Variants in LSAMP observed in about 807,000 individuals in gnomAD.
LSAMP encodes limbic system associated membrane protein.
A neutral mutation model predicts 38.6 loss-of-function variants in LSAMP; 7 were observed. That is an observed-to-expected ratio of 0.18 (90% confidence interval 0.10 to 0.34). The LOEUF (loss-of-function observed/expected upper bound fraction) is 0.34. LSAMP is among the 10% of genes least tolerant of loss of function. The probability of loss-of-function intolerance (pLI) is 1.00; values close to 1 mark genes in which losing one functional copy is unlikely to be tolerated. For synonymous variants in LSAMP, 154 were observed against 166.8 expected (o/e 0.92, Z 0.59); for missense variants, 313 against 420.0 (o/e 0.75, Z 2.23).
In LSAMP at chr3:116,098,368, G is replaced by A. The variant is rs143183754; in HGVS notation, c.156-11812C>T. On this transcript the variant is annotated intron_variant, in intron 1 of 6. Transcript: ENST00000490035. ...TTCAAAATTAGCCGGGCGTGGTGGC[G>A]CATGCCTGTAATCCCAGCTACTCAG... Among the ~76,000 whole-genome samples the A allele has an allele frequency of 4.0e-3, 614 of 152,134 alleles. 3 individuals carry two copies. The highest frequency in any genetic ancestry group is 0.014 in the African/African-American group (579 of 41,536).
chr3:116,407,650 GTAGC>G (rs2048914232), intron 1 of LSAMP, among the ~76,000 whole-genome samples: 1 of 152,082 alleles, frequency 6.6e-6, no homozygotes, highest in African/African-American at 2.4e-5. Flanking sequence ...TATTGTTCAT[GTAGC>G]AATCTTCATG....
intron 1 of LSAMP, among the ~76,000 whole-genome samples, chr3:116,353,531 T>G (rs1464010359): frequency 1.3e-5 from 2 of 152,040 alleles, no homozygotes; most frequent in Non-Finnish European, 2.9e-5. Flanking sequence ...CTCTACATCC[T>G]CCTACCCAGA....
At chr3:116,428,866 A>G (rs1226440312) in intron 1 of LSAMP, among the ~76,000 whole-genome samples, 2 of 152,198 alleles carry the variant, frequency 1.3e-5, no homozygotes, top group Non-Finnish European at 2.9e-5. Flanking sequence ...AATTTGTGAC[A>G]TTCTTGGGAA....
chr3:115,907,433 A>G (rs1246028083), intron 3 of LSAMP, among the ~76,000 whole-genome samples: 1 of 151,864 alleles, frequency 6.6e-6, no homozygotes, highest in African/African-American at 2.4e-5. Flanking sequence ...TCTATGAAGC[A>G]GAGAGTGGGC....
chr3:115,863,653 GC>G (rs1375965665), intron 3 of LSAMP, among the ~76,000 whole-genome samples: 3 of 151,684 alleles, frequency 2.0e-5, no homozygotes, highest in Admixed American at 6.6e-5. Context: ...GGATCAGGAG[GC>G]CCAGAAGTGT....
In LSAMP at chr3:116,024,967, G is replaced by A. The variant is rs1414580135; in HGVS notation, c.389-5327C>T. 4.6e-5 allele frequency among the ~76,000 whole-genome samples: 7 copies of A among 151,792 alleles called. No individual in the cohort carries two copies. The East Asian group carries it at 1.3e-3, about 29-fold the overall frequency. ...CTTCCTCTAGATCATATTCACTTCT[G>A]AAAAAGTGGTAGAGATGGTATTTTT... On this transcript the variant is annotated intron_variant, in intron 2 of 6. Transcript: ENST00000490035.
chr3:116,166,594 A>G (rs1013635184), intron 1 of LSAMP, among the ~76,000 whole-genome samples: 1 of 152,148 alleles, frequency 6.6e-6, no homozygotes, highest in African/African-American at 2.4e-5. Context: ...GCATGTATAT[A>G]TGTACATATA....
chr3:115,972,884 ATATTATG>A (rs1939063862), intron 3 of LSAMP, among the ~76,000 whole-genome samples: 1 of 148,950 alleles, frequency 6.7e-6, no homozygotes, highest in Non-Finnish European at 1.5e-5. Context: ...TATATATTAT[ATATTATG>A]TATTATTTTG....
At chr3:116,182,377 TTATATA>T (rs961746607) in intron 1 of LSAMP, among the ~76,000 whole-genome samples, 3 of 150,794 alleles carry the variant, frequency 2.0e-5, no homozygotes, top group Admixed American at 6.6e-5. Context: ...TATATTGAAC[TTATATA>T]TATATAGAAA....
intron 1 of LSAMP, among the ~76,000 whole-genome samples, chr3:116,369,032 C>T (rs747679254): frequency 6.6e-6 from 1 of 151,418 alleles, no homozygotes; most frequent in South Asian, 2.1e-4. Flanking sequence ...AAGGACAATT[C>T]GAGAACAAAG....
intron 1 of LSAMP, among the ~76,000 whole-genome samples, chr3:116,358,515 C>G (rs898207257): frequency 6.6e-6 from 1 of 151,996 alleles, no homozygotes; most frequent in African/African-American, 2.4e-5. Context: ...CACACTTGGA[C>G]GGAAGAAAAG....
At chr3:115,840,158 A>C (rs1302610058) in intron 6 of LSAMP, among the ~76,000 whole-genome samples, 1 of 152,230 alleles carries the variant, frequency 6.6e-6, no homozygotes, top group Non-Finnish European at 1.5e-5. Flanking sequence ...TCTAGGTTAA[A>C]TAGAAAGAAA....
intron 2 of LSAMP, among the ~76,000 whole-genome samples, chr3:116,023,903 T>C (rs540821309): frequency 2.2e-4 from 34 of 152,306 alleles, no homozygotes; most frequent in Non-Finnish European, 4.1e-4. Flanking sequence ...CTCCTCACAC[T>C]CTGGCATTTG....
chr3:116,234,793 AT>A (rs1166890059), intron 1 of LSAMP, among the ~76,000 whole-genome samples: 1 of 151,954 alleles, frequency 6.6e-6, no homozygotes, highest in Non-Finnish European at 1.5e-5. Flanking sequence ...ATTTTTACAG[AT>A]TTTTTTTCTA....
At chr3:116,135,628 G>T (rs138821978) in intron 1 of LSAMP, among the ~76,000 whole-genome samples, 24 of 152,228 alleles carry the variant, frequency 1.6e-4, no homozygotes, top group African/African-American at 5.3e-4. Flanking sequence ...CAGATGTATT[G>T]TGTCACTAAC....
At chr3:116,225,028 A>C (rs1452748809) in intron 1 of LSAMP, among the ~76,000 whole-genome samples, 2 of 152,232 alleles carry the variant, frequency 1.3e-5, no homozygotes, top group Non-Finnish European at 2.9e-5. Context: ...TTTGACAAGA[A>C]TGTCAGCAAA....
chr3:116,347,886 T>C (rs150075001), intron 1 of LSAMP, among the ~76,000 whole-genome samples: 34 of 152,156 alleles, frequency 2.2e-4, no homozygotes, highest in Middle Eastern at 3.4e-3. Flanking sequence ...GAAAGACAGA[T>C]ATAAAAAGAG....
At chr3:116,126,211 C>G (rs180714841) in intron 1 of LSAMP, among the ~76,000 whole-genome samples, 2 of 152,308 alleles carry the variant, frequency 1.3e-5, no homozygotes, top group African/African-American at 4.8e-5. Flanking sequence ...ACTGAATTTT[C>G]TGTTGGCAAT....
chr3:115,849,965 A>G (rs964764594), intron 4 of LSAMP, among the ~76,000 whole-genome samples: 4 of 152,186 alleles, frequency 2.6e-5, no homozygotes, highest in African/African-American at 9.7e-5. Flanking sequence ...ATACACATTT[A>G]CTGAGCAATT....
Sources: allele counts gnomAD v4.1 joint callset (sites outside exome capture counted in the v4.1 genomes callset), GRCh38; gene constraint gnomAD v4.1.1; transcripts MANE v1.5; gene names NCBI Gene and HGNC (gene_info 2026-07-23, HGNC 2026-07-21).